Variants in UNC13C observed in about 807,000 individuals in gnomAD.
The protein encoded by UNC13C is unc-13 homolog C.
In UNC13C, 174 loss-of-function variants were observed where a neutral mutation model predicts 245.4. The ratio of observed to expected loss-of-function variants is 0.71; its 90% confidence interval spans 0.63 to 0.80. The LOEUF (loss-of-function observed/expected upper bound fraction) is 0.80, where lower values mean the gene tolerates loss of function less well. Among genes scored for constraint, UNC13C ranks in the 30% least tolerant of loss-of-function variants. The pLI is 0.00. For synonymous variants in UNC13C, 992 were observed against 895.1 expected (o/e 1.11, Z -1.93); for missense variants, 2,829 against 2,602.9 (o/e 1.09, Z -1.89).
At chr15:54,406,201 C>A (rs114484715) in intron 18 of UNC13C, among the ~76,000 whole-genome samples, 5,053 of 152,196 alleles carry the variant, frequency 0.033, 243 homozygotes, top group African/African-American at 0.1. Context: ...TGGAGAATTG[C>A]GGGGACGTGT....
intron 17 of UNC13C, among the ~76,000 whole-genome samples, chr15:54,343,095 A>T (rs2038773097): frequency 2.0e-5 from 3 of 151,970 alleles, no homozygotes; most frequent in African/African-American, 7.2e-5. Context: ...CTAAAGGCTA[A>T]GATTGAAACT....
At chr15:54,359,303 C>T (rs759410731) in intron 17 of UNC13C, among the ~76,000 whole-genome samples, 19 of 151,622 alleles carry the variant, frequency 1.3e-4, no homozygotes, top group African/African-American at 2.2e-4. Flanking sequence ...TATCATTGTC[C>T]GGTTTTGATA....
At chr15:54,279,998 G>A (rs1401397809) in intron 10 of UNC13C, among the ~76,000 whole-genome samples, 1 of 152,134 alleles carries the variant, frequency 6.6e-6, no homozygotes, top group Non-Finnish European at 1.5e-5. Context: ...GCAGATAGAA[G>A]GGTAAGCACA....
intron 19 of UNC13C, among the ~76,000 whole-genome samples, chr15:54,460,498 G>C (rs1313661803): frequency 6.6e-6 from 1 of 152,208 alleles, no homozygotes. Flanking sequence ...ATGAGTGGCT[G>C]TAATGGCTGG....
intron 30 of UNC13C, among the ~76,000 whole-genome samples, chr15:54,591,244 C>T (rs1176859654): frequency 6.6e-6 from 1 of 152,034 alleles, no homozygotes; most frequent in Non-Finnish European, 1.5e-5. Context: ...GGATATAGGT[C>T]TGTAGTTTTC....
chr15:54,118,111 A>G (rs1005856568), intron 2 of UNC13C, among the ~76,000 whole-genome samples: 2 of 148,990 alleles, frequency 1.3e-5, no homozygotes, highest in African/African-American at 5.1e-5. Flanking sequence ...TATTTTCAGA[A>G]AAAAAAAAGA....
chr15:54,203,675 C>G (rs1482273313), intron 4 of UNC13C, among the ~76,000 whole-genome samples: 1 of 147,516 alleles, frequency 6.8e-6, no homozygotes, highest in African/African-American at 2.5e-5. Flanking sequence ...TTTTCTTTAT[C>G]CACTCGTGAT....
intron 10 of UNC13C, among the ~76,000 whole-genome samples, chr15:54,288,844 C>A (rs1202102368): frequency 6.6e-6 from 1 of 152,042 alleles, no homozygotes; most frequent in Non-Finnish European, 1.5e-5. Flanking sequence ...TGTCTCTTAT[C>A]TCTTGGCTCC....
chr15:54,427,124 C>T (rs1429662808), intron 19 of UNC13C, among the ~76,000 whole-genome samples: 3 of 151,712 alleles, frequency 2.0e-5, no homozygotes, highest in Admixed American at 1.3e-4. Flanking sequence ...CAAATAATTT[C>T]TTCCTTTACT....
At chr15:53,879,524 T>C in the UNC13C span, among the ~76,000 whole-genome samples, 1 of 152,248 alleles carries the variant, frequency 6.6e-6, no homozygotes, top group Admixed American at 6.5e-5. Context: ...TTGTTATATA[T>C]AGGAACTTGG....
intron 23 of UNC13C, among the ~76,000 whole-genome samples, chr15:54,511,076 C>T (rs1006820673): frequency 1.3e-5 from 2 of 152,044 alleles, no homozygotes; most frequent in African/African-American, 2.4e-5. Context: ...CAGAAAGAGA[C>T]ACAGCAGCAT....
At chr15:54,113,803 G>A (rs1336366048) in intron 2 of UNC13C, among the ~76,000 whole-genome samples, 3 of 152,082 alleles carry the variant, frequency 2.0e-5, no homozygotes, top group Admixed American at 1.3e-4. Context: ...TCCAGCCTGG[G>A]CAACAGAGTG....
chr15:54,236,727 T>TA (rs2035710114), intron 6 of UNC13C, among the ~76,000 whole-genome samples: 1 of 152,186 alleles, frequency 6.6e-6, no homozygotes, highest in South Asian at 2.1e-4. Context: ...GTCTTCAAGG[T>TA]AAATGTGGAG....
the UNC13C span, among the ~76,000 whole-genome samples, chr15:53,847,997 C>A: frequency 6.6e-6 from 1 of 152,048 alleles, no homozygotes; most frequent in South Asian, 2.1e-4. Context: ...TTTTAGTAGT[C>A]ATAAAATTGT....
At chr15:54,512,362 A>G (rs1894787038) in intron 24 of UNC13C, 1 of 455,792 alleles carries the variant, frequency 2.2e-6, no homozygotes, top group Non-Finnish European at 4.4e-6. Flanking sequence ...AGGAAGGAGA[A>G]AGATTCTTTT....
At chr15:54,147,946 T>C (rs2032351444) in intron 4 of UNC13C, among the ~76,000 whole-genome samples, 1 of 152,178 alleles carries the variant, frequency 6.6e-6, no homozygotes, top group Admixed American at 6.5e-5. Context: ...TCACTAGTCA[T>C]TGAAGTTCTT....
chr15:54,274,667 CTTTTTTTTTT>C (rs10646701), intron 10 of UNC13C, among the ~76,000 whole-genome samples: 2 of 91,604 alleles, frequency 2.2e-5, no homozygotes, highest in African/African-American at 9.2e-5. Context: ...ATAAAGTAGA[CTTTTTTTTTT>C]TTTTTTTTTT....
intron 19 of UNC13C, among the ~76,000 whole-genome samples, chr15:54,433,618 G>A (rs909597408): frequency 2.0e-4 from 30 of 152,108 alleles, no homozygotes; most frequent in African/African-American, 6.7e-4. Context: ...CAAACTTATA[G>A]GCAATATCAT....
At chr15:53,956,600 G>T in the UNC13C span, among the ~76,000 whole-genome samples, 1 of 88,126 alleles carries the variant, frequency 1.1e-5, no homozygotes, top group African/African-American at 4.1e-5. Context: ...AAGTTAGCAA[G>T]TGAAAAAGGG....
Sources: allele counts gnomAD v4.1 joint callset (sites outside exome capture counted in the v4.1 genomes callset), GRCh38; gene constraint gnomAD v4.1.1; transcripts MANE v1.5; gene names NCBI Gene and HGNC (gene_info 2026-07-23, HGNC 2026-07-21).